RNLS: variants seen among roughly 807,000 people sequenced by gnomAD.
The protein encoded by RNLS is renalase.
In RNLS, 39 loss-of-function variants were observed where a neutral mutation model predicts 39.8. That is an observed-to-expected ratio of 0.98 (90% CI 0.76 to 1.28). RNLS has a LOEUF of 1.28. Ranked by LOEUF, RNLS falls within the 50% of genes most tolerant of loss-of-function variation. RNLS has a pLI of 0.00. For missense variants in RNLS, 410 were observed against 413.3 expected, an observed-to-expected ratio of 0.99 and a Z score of 0.07; for synonymous variants, 147 against 150.7, an observed-to-expected ratio of 0.98 and a Z score of 0.18.
At chr10:88,243,145 C>G in the RNLS span, among the ~76,000 whole-genome samples, 1 of 152,308 alleles carries the variant, frequency 6.6e-6, no homozygotes, top group East Asian at 1.9e-4. Context: ...ATGCCTCGCA[C>G]AGTGCCAGGA....
chr10:88,396,125 A>C (rs1852542871), intron 4 of RNLS, among the ~76,000 whole-genome samples: 1 of 152,126 alleles, frequency 6.6e-6, no homozygotes, highest in Non-Finnish European at 1.5e-5. Flanking sequence ...AGGTCAATAG[A>C]CTATAATTTG....
At chr10:88,431,321 C>T (rs944907817) in intron 4 of RNLS, among the ~76,000 whole-genome samples, 3 of 151,560 alleles carry the variant, frequency 2.0e-5, no homozygotes, top group South Asian at 2.1e-4. Context: ...TTGGTAATTA[C>T]GTCATCTCTC....
chr10:88,197,106 A>G, the RNLS span, among the ~76,000 whole-genome samples: 1 of 152,230 alleles, frequency 6.6e-6, no homozygotes, highest in Non-Finnish European at 1.5e-5. Flanking sequence ...AATCTTGGAA[A>G]TAAGTAAAGC....
chr10:88,365,354 G>GT (rs1849982501), intron 4 of RNLS, among the ~76,000 whole-genome samples: 1 of 138,496 alleles, frequency 7.2e-6, no homozygotes, highest in Non-Finnish European at 1.5e-5. Context: ...CCAGCCCTAG[G>GT]TCCCACATAT....
chr10:88,469,201 C>T (rs1345723339), intron 4 of RNLS, among the ~76,000 whole-genome samples: 1 of 152,178 alleles, frequency 6.6e-6, no homozygotes, highest in Non-Finnish European at 1.5e-5. Context: ...AACTCATTTT[C>T]CTCACTCAAA....
intron 6 of RNLS, among the ~76,000 whole-genome samples, chr10:88,311,300 A>C (rs1466919213): frequency 6.6e-6 from 1 of 152,234 alleles, no homozygotes; most frequent in Non-Finnish European, 1.5e-5. Context: ...ACATGGAAAG[A>C]CATTTTCAGT....
At chr10:88,333,206 C>G (rs192961478) in intron 5 of RNLS, among the ~76,000 whole-genome samples, 2 of 152,086 alleles carry the variant, frequency 1.3e-5, no homozygotes, top group East Asian at 3.9e-4. Flanking sequence ...CTTCTCGGTC[C>G]CTGATATGGT....
At chr10:88,419,633 A>C (rs1564785564) in intron 4 of RNLS, among the ~76,000 whole-genome samples, 2 of 152,204 alleles carry the variant, frequency 1.3e-5, no homozygotes, top group Admixed American at 6.5e-5. Context: ...TTGAAAAAAA[A>C]TTTGATTTCT....
the RNLS span, among the ~76,000 whole-genome samples, chr10:88,189,661 C>A: frequency 6.6e-6 from 1 of 152,184 alleles, no homozygotes; most frequent in South Asian, 2.1e-4. Flanking sequence ...ATGCAATAGG[C>A]AGTCAATAAG....
the RNLS span, among the ~76,000 whole-genome samples, chr10:88,181,407 C>T: frequency 1.3e-5 from 2 of 152,140 alleles, no homozygotes; most frequent in African/African-American, 4.8e-5. Flanking sequence ...GCAGAGAACC[C>T]AGAAAAGCCC....
chr10:88,515,685 T>A (rs1589936698), intron 4 of RNLS, among the ~76,000 whole-genome samples: 1 of 152,108 alleles, frequency 6.6e-6, no homozygotes, highest in Non-Finnish European at 1.5e-5. Flanking sequence ...AATTATTGTA[T>A]CTTCAGCCTC....
intron 4 of RNLS, 102 bp downstream of exon 4, chr10:88,572,799 TAG>T (rs1849920184): frequency 1.7e-6 from 2 of 1,170,630 alleles, no homozygotes; most frequent in Admixed American, 4.9e-5. Flanking sequence ...GGCAAATCAA[TAG>T]AGTCTATCAC....
chr10:88,330,055 TTCTG>T (rs1219809582), intron 5 of RNLS, among the ~76,000 whole-genome samples: 1 of 143,816 alleles, frequency 7.0e-6, no homozygotes, highest in Non-Finnish European at 1.5e-5. Context: ...TTGCATGGTT[TTCTG>T]TCTGTTTTGA....
At chr10:88,183,106 G>T in the RNLS span, among the ~76,000 whole-genome samples, 9 of 152,222 alleles carry the variant, frequency 5.9e-5, no homozygotes, top group Non-Finnish European at 1.2e-4. Context: ...AGTGAAGAAG[G>T]TACTTTCAGT....
rs80137399 is a variant in RNLS at position 88,474,562 on chromosome 10, C to A, written c.526+98341G>T. On this transcript the variant is annotated intron_variant, in intron 4 of 6. Transcript: ENST00000331772. ...GTGTATTAAATGGATTATAATAATA[C>A]CTCTTCAAGTTGGAAGGCTTAAATG... 6.1e-3 allele frequency among the ~76,000 whole-genome samples: 932 copies of A among 152,220 alleles called. 8 individuals carry two copies. The highest frequency in any genetic ancestry group is 0.019 in the African/African-American group (790 of 41,520).
At chr10:88,296,628 G>A (rs1181514628) in intron 6 of RNLS, among the ~76,000 whole-genome samples, 1 of 152,098 alleles carries the variant, frequency 6.6e-6, no homozygotes, top group Non-Finnish European at 1.5e-5. Flanking sequence ...GTGTTCCTCA[G>A]AAAGACAATA....
chr10:88,235,044 A>T, the RNLS span, among the ~76,000 whole-genome samples: 2 of 151,894 alleles, frequency 1.3e-5, no homozygotes, highest in South Asian at 4.1e-4. Flanking sequence ...GGTGGATCAC[A>T]AGGTCAGGAG....
intron 4 of RNLS, among the ~76,000 whole-genome samples, chr10:88,370,172 A>T (rs927615881): frequency 6.6e-6 from 1 of 152,174 alleles, no homozygotes; most frequent in Non-Finnish European, 1.5e-5. Flanking sequence ...CCATGGGCCC[A>T]GGAGTATGGT....
At chr10:88,192,204 C>T in the RNLS span, among the ~76,000 whole-genome samples, 1 of 151,992 alleles carries the variant, frequency 6.6e-6, no homozygotes, top group African/African-American at 2.4e-5. Context: ...GACCTTGCTG[C>T]CTGGATAACA....
Sources: allele counts gnomAD v4.1 joint callset (sites outside exome capture counted in the v4.1 genomes callset), GRCh38; gene constraint gnomAD v4.1.1; transcripts MANE v1.5; gene names NCBI Gene and HGNC (gene_info 2026-07-23, HGNC 2026-07-21).